Variants in PFKL observed in about 807,000 individuals in gnomAD.
PFKL encodes the protein ATP-dependent 6-phosphofructokinase, liver type.
A neutral mutation model predicts 92.1 loss-of-function variants in PFKL; 74 were observed. The ratio of observed to expected loss-of-function variants is 0.80; its 90% CI spans 0.67 to 0.97. The LOEUF is 0.97. PFKL is among the 50% of genes least tolerant of loss of function. PFKL has a pLI of 0.00. For missense variants in PFKL, 1,028 were observed against 1,116.6 expected (o/e 0.92, Z 1.13); for synonymous variants, 494 against 456.4 (o/e 1.08, Z -1.05).
chr21:44,326,105 G>A (rs1318742007), intron 20 of PFKL, 45 bp downstream of exon 20: 1 of 1,605,148 alleles, frequency 6.2e-7, no homozygotes, highest in Non-Finnish European at 8.5e-7. Context: ...CCCTCCCCTG[G>A]CTCCCTGGGG....
At chr21:44,319,948 T>C (rs2047315865) in intron 11 of PFKL, 136 bp from the exon 12 acceptor site, 2 of 733,268 alleles carry the variant, frequency 2.7e-6, no homozygotes, top group African/African-American at 1.7e-5. Context: ...GCATGCGCGG[T>C]GTCTGCTGCC....
chr21:44,326,010 T>C lies in PFKL; in HGVS notation c.2039T>C (p.Val680Ala). ...FDRNYGTKLG[V>A]KAMLWLSEKL... ...CGGAACTATGGGACCAAGCTGGGGG[T>C]GAAGGCCATGCTGTGGTTGTCGGAG... The change falls in exon 20 of 22, where the codon GTG (valine) becomes GCG (alanine). Residue 680 changes from valine (V) to alanine (A), a missense_variant. By Grantham distance (64) the Val-to-Ala change is moderately conservative. Coordinates refer to ENST00000349048, the MANE Select transcript of PFKL (RefSeq NM_002626.6). 6.2e-7 allele frequency: 1 copy of C among 1,613,606 alleles called. No homozygotes were observed. The highest frequency in any genetic ancestry group is 8.5e-7 in the Non-Finnish European group (1 of 1,179,906).
At chr21:44,304,910 A>T (rs542701661) in intron 1 of PFKL, among the ~76,000 whole-genome samples, 1 of 152,194 alleles carries the variant, frequency 6.6e-6, no homozygotes, top group Non-Finnish European at 1.5e-5. Context: ...GTTCCTTTAG[A>T]GACGGCGTTG....
At chr21:44,311,873 G>A (rs1268775450) in intron 3 of PFKL, among the ~76,000 whole-genome samples, 1 of 152,176 alleles carries the variant, frequency 6.6e-6, no homozygotes, top group Non-Finnish European at 1.5e-5. Context: ...TATTACCTTG[G>A]GGCTTCCCAA....
At chr21:44,312,050 A>G (rs2047060741) in intron 3 of PFKL, 55 bp from the exon 4 acceptor site, 3 of 1,335,200 alleles carry the variant, frequency 2.2e-6, no homozygotes. Flanking sequence ...GGTGATCCCC[A>G]GGGGCTGTCT....
At position 44,300,129 on chromosome 21, in the gene PFKL, G is replaced by A; in HGVS notation, c.24G>A (p.Lys8=). The change falls in exon 1 of 22, where the codon AAG becomes AAA. Residue 8 remains lysine, a synonymous_variant. Transcript: ENST00000349048. The part of the protein sequence containing the change: MAAVDLE[K]LRASGAGKAI... ...CCATGGCCGCGGTGGACCTGGAGAA[G>A]CTGCGGGCGTCGGGCGCGGGCAAGG... 8.4e-7 allele frequency: 1 copy of A among 1,188,186 alleles called. No homozygotes were observed. Among genetic ancestry groups the A allele is most frequent in the African/African-American group, 1.6e-5 (1 of 61,188 alleles). The allele number at this position is 1,188,186 out of a possible 1,614,324, so 73.6% of individuals were successfully genotyped here. A position where few individuals can be genotyped will look rare whatever the true frequency, so the allele number is the denominator to read the frequency against.
intron 1 of PFKL, among the ~76,000 whole-genome samples, chr21:44,301,572 G>C (rs1568937745): frequency 6.6e-6 from 1 of 152,240 alleles, no homozygotes; most frequent in African/African-American, 2.4e-5. Context: ...GGGTGGCCTG[G>C]TGGGTTGTGG....
At chr21:44,325,062 T>A in intron 18 of PFKL, 91 bp from the exon 19 acceptor site, 1 of 1,174,774 alleles carries the variant, frequency 8.5e-7, no homozygotes. Flanking sequence ...GAGCTGCCAC[T>A]CCCTCTCCCA....
chr21:44,313,595 C>T (rs757359290), intron 5 of PFKL, 43 bp from the exon 6 acceptor site: 334 of 1,589,280 alleles, frequency 2.1e-4, no homozygotes, highest in Non-Finnish European at 2.1e-4. Context: ...CTGGCAGGGC[C>T]GTGTGGCTGG....
At chr21:44,315,447 G>A (rs2047176854) in intron 7 of PFKL, 1 of 152,554 alleles carries the variant, frequency 6.6e-6, no homozygotes, top group Non-Finnish European at 1.5e-5. Context: ...CACCTGCACT[G>A]GCGCCACCTC....
intron 1 of PFKL, among the ~76,000 whole-genome samples, chr21:44,302,908 T>C (rs2040815819): frequency 1.3e-5 from 2 of 152,138 alleles, no homozygotes; most frequent in African/African-American, 4.8e-5. Flanking sequence ...GGATATCTAT[T>C]TGCACAATAA....
At chr21:44,321,592 G>A (rs957458517) in intron 12 of PFKL, 137 bp from the exon 13 acceptor site, 10 of 744,530 alleles carry the variant, frequency 1.3e-5, no homozygotes, top group South Asian at 4.7e-5. Flanking sequence ...GCAGTTGGGC[G>A]GTGTGCTGGG....
At chr21:44,303,410 CA>C (rs1190805609) in intron 1 of PFKL, among the ~76,000 whole-genome samples, 30 of 9,150 alleles carry the variant, frequency 3.3e-3, no homozygotes, top group East Asian at 5.4e-3. Context: ...GACTCTGTCT[CA>C]AAAAAAAAAA....
intron 12 of PFKL, 79 bp downstream of exon 12, chr21:44,320,226 G>C: frequency 7.7e-7 from 1 of 1,295,600 alleles, no homozygotes; most frequent in Non-Finnish European, 1.1e-6. Flanking sequence ...CCCCGTGGCT[G>C]GGCCTGCCTG....
rs1436783206 is a variant in PFKL at position 44,326,954 on chromosome 21, T to C, written c.*92T>C. On this transcript the variant is annotated 3_prime_UTR_variant, in exon 22 of 22. Transcript: ENST00000349048. ...GGCCTGGGCTGTTGTGTCTGGAGCC[T>C]GCAGGCAGGTGGGGGCTGCGTCCCT... The C allele has an allele frequency of 4.9e-6, 6 of 1,222,560 alleles. No homozygotes were observed. The highest frequency in any genetic ancestry group is 7.0e-6 in the Non-Finnish European group (6 of 860,152). 75.7% of individuals were successfully genotyped at this position (1,222,560 alleles called of 1,614,324 possible). A position where few individuals can be genotyped will look rare whatever the true frequency, so the allele number is the denominator to read the frequency against.
intron 13 of PFKL, 62 bp from the exon 14 acceptor site, chr21:44,322,071 C>G: frequency 6.5e-7 from 1 of 1,547,792 alleles, no homozygotes; most frequent in Admixed American, 1.8e-5. Context: ...CACAGGCCCA[C>G]CCCTGGGGGG....
intron 5 of PFKL, 94 bp downstream of exon 5, chr21:44,313,237 T>C: frequency 7.2e-7 from 1 of 1,379,448 alleles, no homozygotes; most frequent in South Asian, 1.2e-5. Flanking sequence ...GCAAGGGCAG[T>C]GGACTCTGGT....
At chr21:44,322,452 G>A (rs576163903) in intron 14 of PFKL, among the ~76,000 whole-genome samples, 2 of 152,324 alleles carry the variant, frequency 1.3e-5, no homozygotes, top group South Asian at 2.1e-4. Flanking sequence ...GGAAGCTGGC[G>A]AGCGTCTGTC....
intron 13 of PFKL, 106 bp from the exon 14 acceptor site, chr21:44,322,027 G>A: frequency 6.9e-7 from 1 of 1,454,090 alleles, no homozygotes. Context: ...AGCTCTGCCT[G>A]CAGCGTGATG....
Sources: allele counts gnomAD v4.1 joint callset (sites outside exome capture counted in the v4.1 genomes callset), GRCh38; gene constraint gnomAD v4.1.1; transcripts MANE v1.5; gene names NCBI Gene and HGNC (gene_info 2026-07-23, HGNC 2026-07-21).